SLC67A1: variants seen among roughly 807,000 people sequenced by gnomAD.
SLC67A1 encodes the protein solute carrier family 67 member A1.
At chr11:2,909,596 C>T in the SLC67A1 span, 2 of 1,530,520 alleles carry the variant, frequency 1.3e-6, no homozygotes, top group South Asian at 1.2e-5. Flanking sequence ...ATGGTCATCA[C>T]GGACCTGTCG....
the SLC67A1 span, chr11:2,903,672 C>A: frequency 1.5e-6 from 1 of 654,722 alleles, no homozygotes; most frequent in Non-Finnish European, 2.6e-6. Flanking sequence ...GGACCCCCGT[C>A]AGCACATCCT....
At chr11:2,925,069 GT>G in the SLC67A1 span, 1 of 1,613,764 alleles carries the variant, frequency 6.2e-7, no homozygotes, top group Non-Finnish European at 8.5e-7. This position sits in a 1 kb window ranked among gnomAD's most constrained non-coding sequence, Gnocchi z 6.5. Context: ...GGGACCCACG[GT>G]CGGCGGCCTC....
At chr11:2,901,311 C>T in the SLC67A1 span, among the ~76,000 whole-genome samples, 119,311 of 152,230 alleles carry the variant, frequency 0.78, 47,502 homozygotes, top group Non-Finnish European at 0.86. Context: ...CTGGCTCTGG[C>T]CCCCCTGCCC....
the SLC67A1 span, among the ~76,000 whole-genome samples, chr11:2,908,678 TGA>T: frequency 6.6e-6 from 1 of 152,052 alleles, no homozygotes; most frequent in Non-Finnish European, 1.5e-5. Flanking sequence ...ACACTGAGCT[TGA>T]GAGAGGACAG....
At chr11:2,908,214 G>A in the SLC67A1 span, 2 of 1,594,502 alleles carry the variant, frequency 1.3e-6, no homozygotes, top group Non-Finnish European at 8.6e-7. Flanking sequence ...CCTCCCCCGG[G>A]CTCCCTCCTG....
the SLC67A1 span, chr11:2,909,328 G>A: frequency 2.0e-6 from 3 of 1,531,058 alleles, no homozygotes; most frequent in Non-Finnish European, 1.7e-6. Context: ...CCTCGCGCCT[G>A]CCCGGAGCGC....
At chr11:2,925,104 C>G in the SLC67A1 span, 2 of 1,613,882 alleles carry the variant, frequency 1.2e-6, no homozygotes, top group Admixed American at 1.7e-5. This position sits in a 1 kb window ranked among gnomAD's most constrained non-coding sequence, Gnocchi z 6.5. Context: ...TTGGCGTCCC[C>G]GTCTTCGGCC....
the SLC67A1 span, chr11:2,918,129 A>G: frequency 5.3e-5 from 82 of 1,545,846 alleles, no homozygotes; most frequent in South Asian, 8.0e-5. Context: ...CAGCGGCCAG[A>G]GCCTGGCAGA....
chr11:2,906,291 C>A, the SLC67A1 span, among the ~76,000 whole-genome samples: 6 of 152,284 alleles, frequency 3.9e-5, no homozygotes, highest in African/African-American at 1.4e-4. Flanking sequence ...ACTAGTTCAA[C>A]CATTGTGGAA....
chr11:2,906,457 T>G, the SLC67A1 span, among the ~76,000 whole-genome samples: 5 of 152,130 alleles, frequency 3.3e-5, no homozygotes, highest in African/African-American at 9.7e-5. Context: ...TAGCAAAGAC[T>G]TGGAACCAAC....
At chr11:2,912,128 C>T in the SLC67A1 span, among the ~76,000 whole-genome samples, 3 of 152,374 alleles carry the variant, frequency 2.0e-5, no homozygotes, top group South Asian at 6.2e-4. Context: ...TTCCTCATAC[C>T]ACACCCAAGA....
chr11:2,918,026 G>A, the SLC67A1 span: 61 of 1,613,506 alleles, frequency 3.8e-5, no homozygotes, highest in South Asian at 4.7e-4. Context: ...GAAGGCCATC[G>A]CCTCCCTGCT....
At chr11:2,919,268 T>A in the SLC67A1 span, 1 of 1,467,062 alleles carries the variant, frequency 6.8e-7, no homozygotes, top group Non-Finnish European at 9.5e-7. Flanking sequence ...AAGGTCGGGG[T>A]GTGGGGGTAC....
chr11:2,917,292 G>A, the SLC67A1 span, among the ~76,000 whole-genome samples: 6 of 152,226 alleles, frequency 3.9e-5, no homozygotes, highest in Non-Finnish European at 5.9e-5. Flanking sequence ...CCCATGCCTC[G>A]GTGCCTAGGG....
At chr11:2,920,013 C>T in the SLC67A1 span, 1 of 152,316 alleles carries the variant, frequency 6.6e-6, no homozygotes, top group Non-Finnish European at 1.5e-5. Flanking sequence ...GGCTTCTGGA[C>T]CAGACCCTGG....
At chr11:2,901,597 C>T in the SLC67A1 span, among the ~76,000 whole-genome samples, 1 of 152,210 alleles carries the variant, frequency 6.6e-6, no homozygotes, top group Non-Finnish European at 1.5e-5. Flanking sequence ...GGTGTGTGTG[C>T]TCCAGCGGCT....
At chr11:2,916,312 G>A in the SLC67A1 span, 1 of 355,852 alleles carries the variant, frequency 2.8e-6, no homozygotes, top group South Asian at 5.7e-5. Flanking sequence ...TGCTGTTCCT[G>A]GGAGGATCCG....
chr11:2,922,432 C>A, the SLC67A1 span: 2 of 1,610,264 alleles, frequency 1.2e-6, no homozygotes, highest in East Asian at 2.2e-5. Flanking sequence ...GCCTGCCGTC[C>A]CAGGCCTGGA....
At chr11:2,914,538 G>A in the SLC67A1 span, 165 of 172,616 alleles carry the variant, frequency 9.6e-4, no homozygotes, top group African/African-American at 3.5e-3. Context: ...AGCCACCCAC[G>A]GCCCCTGGCA....
Sources: gnomAD v4.1 joint callset for allele counts (sites outside exome capture counted in the v4.1 genomes callset) on GRCh38, gnomAD v4.1.1 for gene constraint, Gnocchi (gnomAD v3.1) non-coding constraint, MANE v1.5 for transcripts, NCBI Gene and HGNC (gene_info 2026-07-23, HGNC 2026-07-21) for gene names.